Variants in IKBKB-DT observed in about 807,000 individuals in gnomAD.
IKBKB-DT encodes IKBKB antisense RNA.
chr8:42,247,707 TC>T (rs1234592707), intron 3 of IKBKB-DT, among the ~76,000 whole-genome samples: 1 of 152,138 alleles, frequency 6.6e-6, no homozygotes, highest in Non-Finnish European at 1.5e-5. Flanking sequence ...CTCATGCTGT[TC>T]CCATGATAGT....
At chr8:42,267,005 T>TG (rs1491386154) in intron 1 of IKBKB-DT, among the ~76,000 whole-genome samples, 3 of 106,820 alleles carry the variant, frequency 2.8e-5, no homozygotes, top group African/African-American at 1.0e-4. Context: ...TTTTTTTTTG[T>TG]TTTTTTTTTT....
rs541093630 is a variant in IKBKB-DT at position 42,268,129 on chromosome 8, A to ATTTT, written n.604-1737_604-1734dup. ...GCCCAGCACATATAGGTGCTCAATA[A>ATTTT]TTTTTTTTTTTTTTTTTTTTTTTAG... is the stretch of plus-strand genomic sequence containing the variant. On this transcript the variant is annotated intron_variant and non_coding_transcript_variant, in intron 1 of 3. Coordinates refer to ENST00000518213, the Ensembl canonical transcript of IKBKB-DT. 2.5e-3 allele frequency among the ~76,000 whole-genome samples: 332 copies of ATTTT among 130,378 alleles called. 3 individuals carry two copies. The highest frequency in any genetic ancestry group is 0.017 in the South Asian group (67 of 3,982). 85.5% of individuals were successfully genotyped at this position (130,378 alleles called of 152,430 possible). A position where few individuals can be genotyped will look rare whatever the true frequency, so the allele number is the denominator to read the frequency against.
intron 3 of IKBKB-DT, among the ~76,000 whole-genome samples, chr8:42,237,295 C>T (rs112065221): frequency 0.11 from 17,040 of 152,044 alleles, 1,695 homozygotes; most frequent in African/African-American, 0.26. Flanking sequence ...TCATGTTAGC[C>T]AGACTGGTCT....
At chr8:42,256,094 G>A (rs1807196785) in intron 3 of IKBKB-DT, among the ~76,000 whole-genome samples, 1 of 151,702 alleles carries the variant, frequency 6.6e-6, no homozygotes, top group Non-Finnish European at 1.5e-5. Context: ...AATAAGAATA[G>A]CCAGTAAGAG....
At chr8:42,245,640 G>A (rs982360232) in intron 3 of IKBKB-DT, among the ~76,000 whole-genome samples, 3 of 152,180 alleles carry the variant, frequency 2.0e-5, no homozygotes, top group Non-Finnish European at 4.4e-5. Context: ...TTGTTTCATC[G>A]TTCTGTAATC....
chr8:42,260,392 G>A (rs752652055), intron 3 of IKBKB-DT, among the ~76,000 whole-genome samples: 9 of 152,174 alleles, frequency 5.9e-5, no homozygotes, highest in East Asian at 5.8e-4. Context: ...AAGGCCGGGC[G>A]CAGTGGCTCA....
chr8:42,252,522 C>T (rs939459696), intron 3 of IKBKB-DT, among the ~76,000 whole-genome samples: 2 of 152,232 alleles, frequency 1.3e-5, no homozygotes, highest in African/African-American at 4.8e-5. Flanking sequence ...CGTGCCACCA[C>T]ACCCAGCTAA....
intron 1 of IKBKB-DT, among the ~76,000 whole-genome samples, chr8:42,267,032 G>A (rs536920913): frequency 2.0e-4 from 27 of 136,362 alleles, no homozygotes; most frequent in East Asian, 8.4e-4. Flanking sequence ...GTGGAGTCTC[G>A]CTCTGTCGCC....
At chr8:42,240,548 C>T (rs913612712) in intron 3 of IKBKB-DT, among the ~76,000 whole-genome samples, 8 of 143,314 alleles carry the variant, frequency 5.6e-5, no homozygotes, top group African/African-American at 2.2e-4. Flanking sequence ...TGGTGTGAAC[C>T]CGGGAGGTAG....
In IKBKB-DT at chr8:42,258,385, T is replaced by G. The variant is rs555925200; in HGVS notation, n.1529+4944A>C. ...GTCTTGAACTCCTGGGCTCAAGCAA[T>G]ACTCTTGCCTTGGCCTCTTGAGTAG... On this transcript the variant is annotated intron_variant and non_coding_transcript_variant, in intron 3 of 3. Coordinates refer to ENST00000518213, the Ensembl canonical transcript of IKBKB-DT. 2.0e-3 allele frequency among the ~76,000 whole-genome samples: 311 copies of G among 152,296 alleles called. 1 individual carries two copies. The highest frequency in any genetic ancestry group is 6.8e-3 in the Middle Eastern group (2 of 294).
chr8:42,234,938 G>A (rs928177061), intron 3 of IKBKB-DT, among the ~76,000 whole-genome samples: 2 of 152,064 alleles, frequency 1.3e-5, no homozygotes, highest in Non-Finnish European at 2.9e-5. Context: ...CTATTTTATA[G>A]TTTAAATGAT....
At chr8:42,249,417 A>ATGTGTGTGTGTGTGTGTG (rs35004589) in intron 3 of IKBKB-DT, 2 of 129,728 alleles carry the variant, frequency 1.5e-5, no homozygotes, top group African/African-American at 7.6e-5. Context: ...ATGTATATAT[A>ATGTGTGTGTGTGTGTGTG]TGTGTGTGTG....
chr8:42,258,264 CA>C (rs1301051505), intron 3 of IKBKB-DT, among the ~76,000 whole-genome samples: 4 of 152,102 alleles, frequency 2.6e-5, no homozygotes, highest in Admixed American at 6.6e-5. Flanking sequence ...CCAACTTAAT[CA>C]CACAAGATTC....
In IKBKB-DT at chr8:42,271,245, T is replaced by C. The variant is rs571183720; in HGVS notation, n.9A>G. On this transcript the variant is annotated non_coding_transcript_exon_variant, in exon 1 of 4. Coordinates refer to ENST00000518213, the Ensembl canonical transcript of IKBKB-DT. ...GCGCAGCACTCGCAGCATCCGGACC[T>C]GGTCTGCCTCGCGCCGGGAGCGGCC... 1.1e-3 allele frequency: 764 copies of C among 681,412 alleles called. 3 individuals carry two copies. Among genetic ancestry groups the C allele is most frequent in the Non-Finnish European group, 4.2e-4 (157 of 375,088 alleles). The allele number at this position is 681,412 out of a possible 1,614,324, so 42.2% of individuals were successfully genotyped here.
At chr8:42,270,806 CT>C (rs1313870751) in exon 1 of IKBKB-DT, 1 of 153,050 alleles carries the variant, frequency 6.5e-6, no homozygotes, top group Non-Finnish European at 1.5e-5. Flanking sequence ...TGGCTTCACA[CT>C]GCTAGGTCTT....
At chr8:42,234,740 G>A (rs1242136927) in intron 3 of IKBKB-DT, among the ~76,000 whole-genome samples, 2 of 151,824 alleles carry the variant, frequency 1.3e-5, no homozygotes, top group African/African-American at 4.8e-5. Flanking sequence ...AGCAATTTTC[G>A]TGCCTCAGCC....
At chr8:42,265,161 C>T (rs1807353897) in intron 2 of IKBKB-DT, among the ~76,000 whole-genome samples, 1 of 152,190 alleles carries the variant, frequency 6.6e-6, no homozygotes, top group African/African-American at 2.4e-5. Flanking sequence ...TCGTGCCCAG[C>T]CCATTTTATT....
chr8:42,247,082 A>G (rs1457685019), intron 3 of IKBKB-DT, among the ~76,000 whole-genome samples: 1 of 152,160 alleles, frequency 6.6e-6, no homozygotes. Flanking sequence ...AAAATGGTAG[A>G]TCCACCGACA....
Position 42,254,573 on chromosome 8 carries a change from G to A in IKBKB-DT, n.1529+8756C>T, listed in dbSNP as rs183900001. Reference sequence around the variant, plus strand: ...TGGGAAGTGAGGAGCGCCTCTGCCCGGCTGCCCACTGTCTGGGAAGTGAGA... The same window carrying A: ...TGGGAAGTGAGGAGCGCCTCTGCCCAGCTGCCCACTGTCTGGGAAGTGAGA... On this transcript the variant is annotated intron_variant and non_coding_transcript_variant, in intron 3 of 3. Coordinates refer to ENST00000518213, the Ensembl canonical transcript of IKBKB-DT. 6.6e-3 allele frequency among the ~76,000 whole-genome samples: 954 copies of A among 144,418 alleles called. 4 individuals are homozygous for A. Among genetic ancestry groups the A allele is most frequent in the African/African-American group, 0.02 (780 of 39,040 alleles). The allele number at this position is 144,418 out of a possible 152,430, so 94.7% of individuals were successfully genotyped here. A position where few individuals can be genotyped will look rare whatever the true frequency, so the allele number is the denominator to read the frequency against.
Sources: allele counts gnomAD v4.1 joint callset (sites outside exome capture counted in the v4.1 genomes callset), GRCh38; gene constraint gnomAD v4.1.1; transcripts MANE v1.5; gene names NCBI Gene and HGNC (gene_info 2026-07-23, HGNC 2026-07-21).